Variants in PAFAH1B3 observed in about 807,000 individuals in gnomAD.
PAFAH1B3 encodes the protein platelet activating factor acetylhydrolase 1b catalytic subunit 3, also known as platelet-activating factor acetylhydrolase IB subunit alpha1.
A neutral mutation model predicts 24.4 loss-of-function variants in PAFAH1B3; 15 were observed. That is an observed-to-expected ratio of 0.62 (90% CI 0.41 to 0.95). PAFAH1B3 has a LOEUF of 0.95. Ranked by LOEUF, PAFAH1B3 falls within the 40% of genes least tolerant of loss-of-function variation. PAFAH1B3 has a pLI of 0.00. For synonymous variants in PAFAH1B3, 144 were observed against 126.5 expected (o/e 1.14, Z -0.93); for missense variants, 266 against 312.2 (o/e 0.85, Z 1.12).
At position 42,302,268 on chromosome 19, in the gene PAFAH1B3, C is replaced by T; in HGVS notation, c.42G>A (p.Val14=). ...AGCGCCCGTCGCCCTGTACGTCCTGCACCGGCGTGGGCTTGCTGGCTGGGT... is the reference window on the plus strand; with the variant it reads ...AGCGCCCGTCGCCCTGTACGTCCTGTACCGGCGTGGGCTTGCTGGCTGGGT... The part of the protein sequence containing the change: ...EENPASKPTP[V]QDVQGDGRWM... Residue 14 remains valine, a synonymous_variant, in exon 1 of 5, where the codon GTG becomes GTA. Transcript: ENST00000262890. 1 of 1,607,284 alleles carries T rather than the reference C, an allele frequency of 6.2e-7. No homozygotes were observed. The highest frequency in any genetic ancestry group is 1.3e-5 in the African/African-American group (1 of 74,972).
At chr19:42,297,434 C>T (rs539916888) in intron 4 of PAFAH1B3, 69 bp from the exon 5 acceptor site, 95 of 1,429,218 alleles carry the variant, frequency 6.6e-5, no homozygotes, top group South Asian at 4.7e-4. Context: ...GCCAACCTGT[C>T]CTCCACCCAC....
intron 4 of PAFAH1B3, among the ~76,000 whole-genome samples, chr19:42,299,314 C>G (rs2038582342): frequency 6.6e-6 from 1 of 152,114 alleles, no homozygotes; most frequent in Non-Finnish European, 1.5e-5. Flanking sequence ...TGGAGTTTCT[C>G]CACGTGTGGT....
At position 42,300,196 on chromosome 19, in the gene PAFAH1B3, C is replaced by G; in HGVS notation, c.260G>C (p.Gly87Ala). Residue 87 changes from glycine to alanine, a missense_variant, in exon 3 of 5, where the codon GGG becomes GCG. Transcript: ENST00000262890. ...CTTGGGCCGGATGTGTTCCAGCTCC[C>G]CATTCTCCAGCCGCCACAGTACATG... is the stretch of plus-strand genomic sequence containing the variant. ...TQHVLWRLENGELEHIRPKIV... is the reference protein window; with the variant it reads ...TQHVLWRLENAELEHIRPKIV... The G allele has an allele frequency of 6.2e-7, 1 of 1,614,242 alleles. No homozygotes were observed. The highest frequency in any genetic ancestry group is 8.5e-7 in the Non-Finnish European group (1 of 1,180,046).
Position 42,301,938 on chromosome 19 carries a change from G to C in PAFAH1B3, c.168+12C>G. The C allele has an allele frequency of 6.5e-7, 1 of 1,548,364 alleles. No homozygotes were observed. Among genetic ancestry groups the C allele is most frequent in the Non-Finnish European group, 8.7e-7 (1 of 1,143,254 alleles). ...GGGCTGGATGGGGCAGGGGGAGAGG[G>C]ACTGCCCTCACCTCGCACTGGTGCA... On this transcript the variant is annotated intron_variant, in intron 2 of 4. Coordinates refer to ENST00000262890, the MANE Select transcript of PAFAH1B3 (RefSeq NM_002573.4).
chr19:42,300,381 G>T, intron 2 of PAFAH1B3, 94 bp from the exon 3 acceptor site: 1 of 1,072,576 alleles, frequency 9.3e-7, no homozygotes, highest in Non-Finnish European at 1.4e-6. Context: ...TTAACCAAAT[G>T]CCATTATGGA....
Position 42,302,374 on chromosome 19 carries a change from T to C in PAFAH1B3, c.-65A>G. The C allele has an allele frequency of 7.0e-7, 1 of 1,435,356 alleles. No individual in the cohort carries two copies. Among genetic ancestry groups the C allele is most frequent in the Non-Finnish European group, 9.5e-7 (1 of 1,057,428 alleles). The allele number at this position is 1,435,356 out of a possible 1,614,324, so 88.9% of individuals were successfully genotyped here. On this transcript the variant is annotated 5_prime_UTR_variant, in exon 1 of 5. Transcript: ENST00000262890. ...GGCCCGGGAGTGTTCCGAACGGAGCTGGCTCCGCCACGCCCACTCCTACCC... is the reference window on the plus strand; with the variant it reads ...GGCCCGGGAGTGTTCCGAACGGAGCCGGCTCCGCCACGCCCACTCCTACCC...
At chr19:42,297,674 C>T (rs1333911446) in intron 4 of PAFAH1B3, among the ~76,000 whole-genome samples, 3 of 151,682 alleles carry the variant, frequency 2.0e-5, no homozygotes, top group African/African-American at 2.4e-5. Context: ...CCCAGGTTCA[C>T]GCCATTCTCC....
In PAFAH1B3 at chr19:42,297,337, T is replaced by A. The variant is rs757472467; in HGVS notation, c.437A>T (p.Asn146Ile). Residue 146 changes from asparagine to isoleucine, a missense_variant, in exon 5 of 5, where the codon AAC (asparagine) becomes ATC (isoleucine). Asn to Ile is a moderately radical substitution (Grantham distance 149). Transcript: ENST00000262890. ...LGLLPRGQHP[N>I]PLREKNRQVN... ...CTGTCGGTTCTTCTCCCGAAGTGGG[T>A]TGGGATGTTGGCCTCGCGGAAGCAG... The A allele has an allele frequency of 6.2e-7, 1 of 1,609,896 alleles. No individual in the cohort carries two copies. The highest frequency in any genetic ancestry group is 8.5e-7 in the Non-Finnish European group (1 of 1,176,542).
In PAFAH1B3 at chr19:42,300,249, G is replaced by C. The variant is rs770934827; in HGVS notation, c.207C>G (p.Asn69Lys). The C allele has an allele frequency of 6.2e-7, 1 of 1,614,250 alleles. No individual in the cohort carries two copies. The highest frequency in any genetic ancestry group is 8.5e-7 in the Non-Finnish European group (1 of 1,180,042). Reference protein sequence around the residue: ...RELFSPLHALNFGIGGDGTQH... With the variant: ...RELFSPLHALKFGIGGDGTQH... The stretch of plus-strand genomic sequence containing the variant: ...GTGTGCCGTCACCACCAATGCCAAA[G>C]TTAAGTGCATGCAGAGGAGAGAAGA... The change falls in exon 3 of 5, where the codon AAC (asparagine) becomes AAG (lysine). Residue 69 changes from asparagine (N) to lysine (K), a missense_variant. By Grantham distance (94) the Asn-to-Lys change is moderately conservative (BLOSUM62 0). Coordinates refer to ENST00000262890, the MANE Select transcript of PAFAH1B3 (RefSeq NM_002573.4).
chr19:42,302,190 C>T (rs1395614996), intron 1 of PAFAH1B3, 42 bp downstream of exon 1: 2 of 1,543,526 alleles, frequency 1.3e-6, no homozygotes, highest in Non-Finnish European at 1.8e-6. Context: ...AGCCACCCCC[C>T]GCGCCCCCGG....
At chr19:42,300,783 T>C (rs1392521808) in intron 2 of PAFAH1B3, among the ~76,000 whole-genome samples, 4 of 151,768 alleles carry the variant, frequency 2.6e-5, no homozygotes, top group African/African-American at 9.7e-5. Context: ...CCTCCCAAAG[T>C]GGTGGGATTA....
chr19:42,297,802 T>C lies in PAFAH1B3; in HGVS notation c.409-437A>G, dbSNP rs2038560256. Among the ~76,000 whole-genome samples the C allele has an allele frequency of 7.9e-5, 12 of 152,104 alleles. No individual in the cohort carries two copies. In the South Asian group the frequency reaches 2.5e-3, roughly 32 times the overall value. On this transcript the variant is annotated intron_variant, in intron 4 of 4. Coordinates refer to ENST00000262890, the MANE Select transcript of PAFAH1B3 (RefSeq NM_002573.4). ...GTTAGCCAGGATGGTCTCGATCTCC[T>C]GACTTCATGATCCGCCCGCCTCGGC... is the stretch of plus-strand genomic sequence containing the variant.
rs562370437 is a variant in PAFAH1B3, at chr19:42,299,680, G to A, written c.408+290C>T. On this transcript the variant is annotated intron_variant, in intron 4 of 4. Transcript: ENST00000262890. ...CCTGACCTCGTGATCCACCTGCCTC[G>A]GTCTCCCAAAGTGCTGGGATTACAG... Among the ~76,000 whole-genome samples the A allele has an allele frequency of 3.4e-4, 51 of 151,978 alleles. 1 individual carries two copies. The South Asian group carries it at 9.6e-3, about 28-fold the overall frequency.
intron 4 of PAFAH1B3, among the ~76,000 whole-genome samples, chr19:42,298,685 T>G (rs2038573379): frequency 6.6e-6 from 1 of 152,230 alleles, no homozygotes; most frequent in African/African-American, 2.4e-5. Context: ...AGGGTCTCTG[T>G]CACCCGGGCG....
At chr19:42,301,332 G>A (rs1360856355) in intron 2 of PAFAH1B3, among the ~76,000 whole-genome samples, 3 of 152,176 alleles carry the variant, frequency 2.0e-5, no homozygotes, top group African/African-American at 7.2e-5. Flanking sequence ...AGGAGGCAGA[G>A]GTTGCAGTGA....
chr19:42,299,119 CTTT>C (rs530974632), intron 4 of PAFAH1B3, among the ~76,000 whole-genome samples: 5 of 134,632 alleles, frequency 3.7e-5, no homozygotes, highest in African/African-American at 1.4e-4. Context: ...CCGCACCCGG[CTTT>C]TTTTTTTTTT....
In PAFAH1B3 at chr19:42,300,205, A is replaced by AG. The variant is rs2038596930; in HGVS notation, c.250dup (p.Leu84ProfsTer43). 1 of 1,614,218 alleles carries AG rather than the reference A, an allele frequency of 6.2e-7. No individual in the cohort carries two copies. Among genetic ancestry groups the AG allele is most frequent in the Non-Finnish European group, 8.5e-7 (1 of 1,180,028 alleles). ...GATGTGTTCCAGCTCCCCATTCTCC[A>AG]GCCGCCACAGTACATGCTGTGTGCC... On this transcript the variant is annotated frameshift_variant, in exon 3 of 5. Coordinates refer to ENST00000262890, the MANE Select transcript of PAFAH1B3 (RefSeq NM_002573.4). LOFTEE classifies it high-confidence loss of function.
chr19:42,300,474 A>G (rs545084444), intron 2 of PAFAH1B3, among the ~76,000 whole-genome samples, 187 bp from the exon 3 acceptor site: 1 of 152,326 alleles, frequency 6.6e-6, no homozygotes, highest in South Asian at 2.1e-4. Flanking sequence ...ATAGAAATCT[A>G]TTAGAGTCTC....
chr19:42,297,310 A>C lies in PAFAH1B3; in HGVS notation c.464T>G (p.Val155Gly), dbSNP rs1599949179. ...PNPLREKNRQ[V>G]NELVRAALAG... is the part of the protein sequence containing the mutation. ...CAGTGCCGCCCGTACCAGCTCGTTCACCTGTCGGTTCTTCTCCCGAAGTGG... is the reference window on the plus strand; with the variant it reads ...CAGTGCCGCCCGTACCAGCTCGTTCCCCTGTCGGTTCTTCTCCCGAAGTGG... The change falls in exon 5 of 5, where the codon GTG (valine) becomes GGG (glycine). Residue 155 changes from valine to glycine, a missense_variant. Val to Gly is a moderately radical substitution (Grantham distance 109). Transcript: ENST00000262890. The C allele has an allele frequency of 6.2e-7, 1 of 1,613,532 alleles. No individual in the cohort carries two copies.
Sources: gnomAD v4.1 joint callset for allele counts (sites outside exome capture counted in the v4.1 genomes callset) on GRCh38, gnomAD v4.1.1 for gene constraint, MANE v1.5 for transcripts, NCBI Gene and HGNC (gene_info 2026-07-23, HGNC 2026-07-21) for gene names.